The following SP100 variants were observed in gnomAD, a reference collection of about 807,000 sequenced individuals.
SP100 encodes the protein SP100 nuclear body protein, also known as nuclear autoantigen Sp-100.
In SP100, 84 loss-of-function variants were observed where a neutral mutation model predicts 130.0. That is an observed-to-expected ratio of 0.65 (90% CI 0.54 to 0.77). The LOEUF is 0.77. SP100 is among the 30% of genes least tolerant of loss of function. SP100 has a pLI of 0.00. For synonymous variants in SP100, 331 were observed against 351.7 expected (o/e 0.94, Z 0.66); for missense variants, 978 against 1,052.2 (o/e 0.93, Z 0.97).
chr2:230,508,246 C>T lies in SP100; in HGVS notation c.2052+215C>T, dbSNP rs77926532. On this transcript the variant is annotated intron_variant, in intron 23 of 28. Coordinates refer to ENST00000340126, the MANE Select transcript of SP100 (RefSeq NM_001080391.2). ...TTGAGATAGAGGTGGGAACAATCCTCAGAAATAGATTAAAAGACAGAACTG... is the reference window on the plus strand; with the variant it reads ...TTGAGATAGAGGTGGGAACAATCCTTAGAAATAGATTAAAAGACAGAACTG... 1,423 of 519,582 alleles carry T rather than the reference C, an allele frequency of 2.7e-3. 38 individuals are homozygous for T. The East Asian group carries it at 0.048, about 17-fold the overall frequency. 32.2% of individuals were successfully genotyped at this position (519,582 alleles called of 1,614,324 possible). A position where few individuals can be genotyped will look rare whatever the true frequency, so the allele number is the denominator to read the frequency against.
At chr2:230,443,964 G>A (rs573276100) in intron 3 of SP100, among the ~76,000 whole-genome samples, 3 of 152,300 alleles carry the variant, frequency 2.0e-5, no homozygotes, top group South Asian at 2.1e-4. Flanking sequence ...ATGTAAATGA[G>A]GGTGAAGCAA....
At chr2:230,533,030 C>T (rs763750446) in intron 24 of SP100, among the ~76,000 whole-genome samples, 1 of 152,172 alleles carries the variant, frequency 6.6e-6, no homozygotes, top group Non-Finnish European at 1.5e-5. Context: ...ATCCACCTGC[C>T]CCGGCCTCCC....
chr2:230,461,757 T>C (rs1045587101), intron 9 of SP100, among the ~76,000 whole-genome samples: 2 of 152,086 alleles, frequency 1.3e-5, no homozygotes, highest in Admixed American at 6.5e-5. Flanking sequence ...AAGATCAGCC[T>C]GGGCAACATG....
At chr2:230,437,339 C>T (rs906820922) in intron 2 of SP100, among the ~76,000 whole-genome samples, 2 of 151,956 alleles carry the variant, frequency 1.3e-5, no homozygotes, top group African/African-American at 4.8e-5. Context: ...TCTAAATAAC[C>T]TCTAACTACA....
chr2:230,515,184 TAA>T (rs1296765590), intron 24 of SP100: 1 of 1,613,450 alleles, frequency 6.2e-7, no homozygotes, highest in Non-Finnish European at 8.5e-7. Context: ...CCATTTTTGC[TAA>T]AGAGAAAGGA....
At position 230,474,830 on chromosome 2, in the gene SP100, C is replaced by T. The variant is rs191242402; in HGVS notation, c.1600+383C>T. Among the ~76,000 whole-genome samples, 11 of 152,096 alleles carry T rather than the reference C, an allele frequency of 7.2e-5. No homozygotes were observed. The South Asian group carries it at 8.3e-4, about 12-fold the overall frequency. On this transcript the variant is annotated intron_variant, in intron 17 of 28. Transcript: ENST00000340126. ...TTAAGTTGCTTAGGATAATGGCCTC[C>T]GCTCCATCCATGTTGCTGCGAAGGG...
intron 17 of SP100, among the ~76,000 whole-genome samples, chr2:230,493,546 A>G (rs1263743120): frequency 1.3e-5 from 2 of 152,048 alleles, no homozygotes; most frequent in African/African-American, 4.8e-5. Flanking sequence ...TCATTCTTAA[A>G]ATTTCTTGTT....
chr2:230,515,263 C>G (rs375035585), intron 24 of SP100: 1 of 1,611,664 alleles, frequency 6.2e-7, no homozygotes, highest in Non-Finnish European at 8.5e-7. Flanking sequence ...CTATATCCCT[C>G]CTAAAGGGGA....
At chr2:230,505,552 C>T (rs539406174) in intron 21 of SP100, among the ~76,000 whole-genome samples, 117 of 152,156 alleles carry the variant, frequency 7.7e-4, no homozygotes, top group African/African-American at 2.8e-3. Flanking sequence ...TATAACTTGC[C>T]TCACTGTATT....
At chr2:230,473,119 C>G in intron 15 of SP100, 2 of 471,860 alleles carry the variant, frequency 4.2e-6, no homozygotes, top group South Asian at 3.0e-5. Flanking sequence ...TTAATTGACC[C>G]TTTATTTCAA....
intron 8 of SP100, among the ~76,000 whole-genome samples, chr2:230,454,344 C>T (rs1323535595): frequency 6.6e-6 from 1 of 151,556 alleles, no homozygotes; most frequent in Non-Finnish European, 1.5e-5. Flanking sequence ...CTTAGTTTTT[C>T]TTCTTTGTCT....
intron 26 of SP100, 129 bp from the exon 27 acceptor site, chr2:230,541,172 G>T: frequency 2.5e-6 from 3 of 1,220,824 alleles, no homozygotes; most frequent in Non-Finnish European, 2.3e-6. Flanking sequence ...CCGGTCCAAA[G>T]AAACTCCCCA....
intron 18 of SP100, among the ~76,000 whole-genome samples, chr2:230,495,887 A>G (rs1057151259): frequency 1.3e-5 from 2 of 152,220 alleles, no homozygotes; most frequent in African/African-American, 2.4e-5. Context: ...ATATTTGGAT[A>G]TATTTTTTCC....
intron 2 of SP100, among the ~76,000 whole-genome samples, chr2:230,430,457 C>T (rs6748062): frequency 0.49 from 75,033 of 152,078 alleles, 18,990 homozygotes; most frequent in African/African-American, 0.54. Context: ...GGGCCACTGG[C>T]TGTGCTTCAA....
chr2:230,481,378 G>T (rs892697187), intron 17 of SP100, among the ~76,000 whole-genome samples: 3 of 152,024 alleles, frequency 2.0e-5, no homozygotes, highest in African/African-American at 7.3e-5. Context: ...CTCAGTAAAT[G>T]GCACTACATT....
Position 230,461,372 on chromosome 2 carries a change from G to A in SP100, c.931G>A (p.Ala311Thr), listed in dbSNP as rs778997734. ...TTCTAATTCAAAAGTTGAGTGCCAA[G>A]CCCAAGCAAGAACTCATCATAACCA... ...PFSNSKVECQ[A>T]QARTHHNQAS... Residue 311 changes from alanine (A) to threonine (T), a missense_variant, in exon 9 of 29, where the codon GCC (alanine) becomes ACC (threonine). Transcript: ENST00000340126. 3 of 1,614,164 alleles carry A rather than the reference G, an allele frequency of 1.9e-6. No individual in the cohort carries two copies. Among genetic ancestry groups the A allele is most frequent in the African/African-American group, 2.7e-5 (2 of 75,058 alleles).
At chr2:230,424,768 A>T (rs548855979) in intron 2 of SP100, among the ~76,000 whole-genome samples, 19 of 151,768 alleles carry the variant, frequency 1.3e-4, no homozygotes, top group African/African-American at 4.6e-4. Context: ...TTAACTAAAT[A>T]TGGTTAATTT....
At chr2:230,494,502 G>C (rs1181057436) in intron 18 of SP100, 42 bp downstream of exon 18, 1 of 1,478,878 alleles carries the variant, frequency 6.8e-7, no homozygotes, top group African/African-American at 1.4e-5. Context: ...AACTCGCTGT[G>C]GTCCTGTTCT....
At chr2:230,539,204 G>A in intron 24 of SP100, 63 bp from the exon 25 acceptor site, 1 of 977,726 alleles carries the variant, frequency 1.0e-6, no homozygotes, top group Admixed American at 1.7e-5. Context: ...ACATAAAAAG[G>A]TCACATATTC....
Sources: allele counts gnomAD v4.1 joint callset (sites outside exome capture counted in the v4.1 genomes callset), GRCh38; gene constraint gnomAD v4.1.1; transcripts MANE v1.5; gene names NCBI Gene and HGNC (gene_info 2026-07-23, HGNC 2026-07-21).